The following TMEM132C variants were observed in gnomAD, a reference collection of about 807,000 sequenced individuals.
TMEM132C encodes the protein protein phosphatase 1, regulatory subunit 152.
A neutral mutation model predicts 61.4 loss-of-function variants in TMEM132C; 29 were observed. The observed-to-expected ratio is 0.47, with a 90% confidence interval of 0.35 to 0.64. TMEM132C has a LOEUF of 0.64. TMEM132C is among the 30% of genes least tolerant of loss of function. TMEM132C has a pLI of 0.00. For missense variants in TMEM132C, 1,408 were observed against 1,476.9 expected (o/e 0.95, Z 0.76); for synonymous variants, 656 against 633.1 (o/e 1.04, Z -0.54).
intron 4 of TMEM132C, among the ~76,000 whole-genome samples, chr12:128,620,693 AC>A (rs1453079009): frequency 6.6e-6 from 1 of 152,206 alleles, no homozygotes; most frequent in East Asian, 1.9e-4. Flanking sequence ...GGTGAGATTT[AC>A]CTGGAATTTT....
In TMEM132C at chr12:128,415,354, C is replaced by T. The variant is rs747206469; in HGVS notation, c.708C>T (p.Asn236=). 31 of 1,570,212 alleles carry T rather than the reference C, an allele frequency of 2.0e-5. No individual in the cohort carries two copies. Among genetic ancestry groups the T allele is most frequent in the African/African-American group, 1.2e-4 (9 of 73,812 alleles). Residue 236 remains asparagine, a synonymous_variant, in exon 2 of 9, where the codon AAC becomes AAT. Transcript: ENST00000435159. The surrounding 1 kb of genome is among the most constrained non-coding windows in gnomAD (Gnocchi z 5.8). The part of the protein sequence containing the change: ...VELYYTVHPG[N]ERGDCAGGDF... ...TCTACTACACCGTGCACCCAGGAAA[C>T]GAGCGAGGGGACTGTGCCGGGGGTG...
intron 4 of TMEM132C, among the ~76,000 whole-genome samples, chr12:128,663,718 T>C (rs117759754): frequency 0.024 from 3,620 of 152,318 alleles, 365 homozygotes; most frequent in Admixed American, 0.17. Context: ...TGTGTGTATG[T>C]GTGTGTGCTT....
At chr12:128,515,343 G>A (rs573204357) in intron 2 of TMEM132C, among the ~76,000 whole-genome samples, 40 of 152,312 alleles carry the variant, frequency 2.6e-4, no homozygotes, top group Non-Finnish European at 3.7e-4. Flanking sequence ...AGCTGCGGCA[G>A]CCTTTCTGTG....
intron 1 of TMEM132C, among the ~76,000 whole-genome samples, chr12:128,340,781 TTCTCTC>T (rs563629490): frequency 4.1e-5 from 5 of 123,318 alleles, no homozygotes; most frequent in South Asian, 2.3e-4. Context: ...TTTTCTTTCT[TTCTCTC>T]TCTCTCTCTC....
At chr12:128,427,819 C>T (rs1869247199) in intron 2 of TMEM132C, among the ~76,000 whole-genome samples, 1 of 152,210 alleles carries the variant, frequency 6.6e-6, no homozygotes, top group African/African-American at 2.4e-5. Context: ...TCGAAAATAC[C>T]AGTGCCCATT....
chr12:128,310,901 A>C (rs574050659), intron 1 of TMEM132C, among the ~76,000 whole-genome samples: 1 of 152,336 alleles, frequency 6.6e-6, no homozygotes, highest in South Asian at 2.1e-4. Context: ...CAGAATAAAG[A>C]GAAGATGACT....
intron 2 of TMEM132C, among the ~76,000 whole-genome samples, chr12:128,473,099 A>C (rs1327050123): frequency 1.1e-4 from 2 of 17,538 alleles, no homozygotes; most frequent in African/African-American, 2.3e-4. Flanking sequence ...ATCACTCCAG[A>C]CTCTGTCTTC....
intron 3 of TMEM132C, among the ~76,000 whole-genome samples, chr12:128,571,346 G>A (rs1565977433): frequency 6.6e-6 from 1 of 152,200 alleles, no homozygotes; most frequent in Non-Finnish European, 1.5e-5. Context: ...AACTGACACA[G>A]TCTTCTACAA....
intron 3 of TMEM132C, among the ~76,000 whole-genome samples, chr12:128,603,470 G>A (rs1050637312): frequency 1.3e-5 from 2 of 152,138 alleles, no homozygotes; most frequent in Non-Finnish European, 2.9e-5. Context: ...CTCAGCCCTC[G>A]AAAGGACCTG....
At chr12:128,665,964 C>T (rs537686406) in intron 4 of TMEM132C, among the ~76,000 whole-genome samples, 157 of 148,266 alleles carry the variant, frequency 1.1e-3, no homozygotes, top group Middle Eastern at 3.7e-3. Flanking sequence ...CACACACACA[C>T]GGGCACATGT....
chr12:128,306,558 T>C (rs6486510), intron 1 of TMEM132C, among the ~76,000 whole-genome samples: 80,675 of 151,968 alleles, frequency 0.53, 22,053 homozygotes, highest in Middle Eastern at 0.62. Flanking sequence ...TCTTTTGTAA[T>C]GTTATTTTTA....
intron 2 of TMEM132C, among the ~76,000 whole-genome samples, chr12:128,476,312 C>T (rs113317086): frequency 1.4e-4 from 22 of 152,292 alleles, no homozygotes; most frequent in African/African-American, 5.1e-4. Flanking sequence ...ACGGTTGCAG[C>T]GTGCACATGG....
At chr12:128,351,909 A>G (rs970992326) in intron 1 of TMEM132C, among the ~76,000 whole-genome samples, 10 of 152,190 alleles carry the variant, frequency 6.6e-5, no homozygotes, top group Non-Finnish European at 1.5e-4. Flanking sequence ...TAGGTTTATT[A>G]TAAGGAATTG....
chr12:128,280,947 A>C (rs917593664), intron 1 of TMEM132C, among the ~76,000 whole-genome samples: 5 of 152,142 alleles, frequency 3.3e-5, no homozygotes, highest in Admixed American at 3.3e-4. Flanking sequence ...TGCAGAGAAA[A>C]ATGTGGGTGT....
chr12:128,549,278 T>C (rs1874070842), intron 3 of TMEM132C, among the ~76,000 whole-genome samples: 1 of 152,000 alleles, frequency 6.6e-6, no homozygotes, highest in African/African-American at 2.4e-5. Flanking sequence ...TGGTGTCCTG[T>C]CCATTAACAT....
At chr12:128,537,031 G>T (rs1873556723) in intron 2 of TMEM132C, among the ~76,000 whole-genome samples, 1 of 152,192 alleles carries the variant, frequency 6.6e-6, no homozygotes, top group African/African-American at 2.4e-5. Context: ...GCCATAGGAG[G>T]AGTCATGAAT....
chr12:128,402,740 C>T (rs944349778), intron 1 of TMEM132C, among the ~76,000 whole-genome samples: 8 of 152,212 alleles, frequency 5.3e-5, no homozygotes, highest in Admixed American at 2.6e-4. Context: ...GCTTAACTTG[C>T]GGAAACACTG....
intron 1 of TMEM132C, among the ~76,000 whole-genome samples, chr12:128,286,745 C>T (rs1871084736): frequency 1.3e-5 from 2 of 152,276 alleles, no homozygotes; most frequent in South Asian, 4.2e-4. Flanking sequence ...GCAAGATCCA[C>T]ACAGACATTG....
At chr12:128,506,189 A>C (rs1182412572) in intron 2 of TMEM132C, among the ~76,000 whole-genome samples, 2 of 152,168 alleles carry the variant, frequency 1.3e-5, no homozygotes, top group Non-Finnish European at 2.9e-5. Flanking sequence ...TCTAGACATC[A>C]TGCCAGCTCT....
Sources: allele counts gnomAD v4.1 joint callset (sites outside exome capture counted in the v4.1 genomes callset), GRCh38; gene constraint gnomAD v4.1.1; non-coding constraint Gnocchi (gnomAD v3.1); transcripts MANE v1.5; gene names NCBI Gene and HGNC (gene_info 2026-07-23, HGNC 2026-07-21).